DPY19L2: variants seen among roughly 807,000 people sequenced by gnomAD.
DPY19L2 encodes the protein dpy-19 like 2.
A neutral mutation model predicts 97.9 loss-of-function variants in DPY19L2; 34 were observed. The ratio of observed to expected loss-of-function variants is 0.35; its 90% CI spans 0.26 to 0.46. The LOEUF (loss-of-function observed/expected upper bound fraction) is 0.46, where lower values mean the gene tolerates loss of function less well. DPY19L2 is among the 20% of genes least tolerant of loss of function. The probability of loss-of-function intolerance (pLI) is 1.00; values close to 1 mark genes in which losing one functional copy is unlikely to be tolerated. For missense variants in DPY19L2, 623 were observed against 911.4 expected (o/e 0.68, Z 4.07); for synonymous variants, 230 against 307.9 (o/e 0.75, Z 2.65).
intron 19 of DPY19L2, among the ~76,000 whole-genome samples, chr12:63,573,657 A>T (rs1484555600): frequency 6.6e-6 from 1 of 152,220 alleles, no homozygotes; most frequent in Non-Finnish European, 1.5e-5. Flanking sequence ...CCCAAAGGTC[A>T]AGGATAAAGA....
chr12:63,603,837 G>A (rs181919882), intron 12 of DPY19L2, among the ~76,000 whole-genome samples: 232 of 152,196 alleles, frequency 1.5e-3, no homozygotes, highest in Non-Finnish European at 2.6e-3. Context: ...ACAATCCTAA[G>A]CAAAAAGAAC....
chr12:63,595,884 A>G (rs1884141796), intron 15 of DPY19L2, 82 bp downstream of exon 15: 9 of 1,290,252 alleles, frequency 7.0e-6, no homozygotes, highest in Non-Finnish European at 9.5e-6. Flanking sequence ...CATCCTAAAA[A>G]TAACATGGAA....
At chr12:63,620,071 T>C (rs1186486070) in intron 9 of DPY19L2, 25 of 425,892 alleles carry the variant, frequency 5.9e-5, no homozygotes, top group Non-Finnish European at 5.5e-5. Flanking sequence ...GCAGAATTTC[T>C]CACTTCCAAT....
rs114252455 is a variant in DPY19L2 at position 63,627,195 on chromosome 12, G to A, written c.804-669C>T. The stretch of plus-strand genomic sequence containing the variant: ...AATTGGATTTAAGGGACTGAGAGAT[G>A]AAGATGAGATTCTAACAGTTTCATG... On this transcript the variant is annotated intron_variant, in intron 6 of 21. Coordinates refer to ENST00000324472, the MANE Select transcript of DPY19L2 (RefSeq NM_173812.5). Among the ~76,000 whole-genome samples, 239 of 152,306 alleles carry A rather than the reference G, an allele frequency of 1.6e-3. 2 individuals carry two copies. Among genetic ancestry groups the A allele is most frequent in the African/African-American group, 5.5e-3 (227 of 41,556 alleles).
chr12:63,651,167 T>C (rs1010783061), intron 4 of DPY19L2, among the ~76,000 whole-genome samples: 1 of 152,166 alleles, frequency 6.6e-6, no homozygotes, highest in Non-Finnish European at 1.5e-5. Context: ...GGACTTCTTA[T>C]TCAATAAATG....
At chr12:63,641,340 C>T (rs1227805759) in intron 6 of DPY19L2, among the ~76,000 whole-genome samples, 1 of 152,054 alleles carries the variant, frequency 6.6e-6, no homozygotes, top group Non-Finnish European at 1.5e-5. Context: ...CATAACATTT[C>T]TAGCTCATAG....
chr12:63,666,660 T>C, intron 1 of DPY19L2: 1 of 203,644 alleles, frequency 4.9e-6, no homozygotes, highest in Non-Finnish European at 1.0e-5. Context: ...TTAATGTCCT[T>C]TAGATTGTTG....
chr12:63,630,633 C>A (rs1340919094), intron 6 of DPY19L2, among the ~76,000 whole-genome samples: 5 of 151,940 alleles, frequency 3.3e-5, no homozygotes, highest in Non-Finnish European at 5.9e-5. Context: ...CTTTAACACC[C>A]CATTGTCAAT....
chr12:63,566,717 G>A (rs1240101508), intron 21 of DPY19L2, among the ~76,000 whole-genome samples: 1 of 151,856 alleles, frequency 6.6e-6, no homozygotes, highest in African/African-American at 2.4e-5. Context: ...GTTGTTTCAG[G>A]TTTAGGCTAT....
At chr12:63,606,981 T>C (rs991804472) in intron 12 of DPY19L2, among the ~76,000 whole-genome samples, 4 of 152,244 alleles carry the variant, frequency 2.6e-5, no homozygotes, top group Admixed American at 2.6e-4. Context: ...TTGTGTGTAA[T>C]AAATACTTAT....
chr12:63,650,100 C>CT lies in DPY19L2; in HGVS notation c.589-2736dup, dbSNP rs1893994374. ...ATTATCTAAATAGATGCAGAAAAGACTTTTGATAAAATTCAACATCCTTTC... is the reference window on the plus strand; with the variant it reads ...ATTATCTAAATAGATGCAGAAAAGACTTTTTGATAAAATTCAACATCCTTTC... On this transcript the variant is annotated intron_variant, in intron 4 of 21. Transcript: ENST00000324472. Among the ~76,000 whole-genome samples the CT allele has an allele frequency of 2.0e-5, 3 of 152,218 alleles. No homozygotes were observed. In the South Asian group the frequency reaches 6.2e-4, roughly 32 times the overall value.
rs867313532 is a variant in DPY19L2, at chr12:63,562,113, G to A, written c.2127-1451C>T. Among the ~76,000 whole-genome samples the A allele has an allele frequency of 4.6e-3, 700 of 151,144 alleles. 7 individuals are homozygous for A. The highest frequency in any genetic ancestry group is 0.016 in the African/African-American group (659 of 41,224). ...ATTTTTTTAGCAGATGTATTAAGGCGTAATTGCTCAATAATTACTCAATAA... is the reference window on the plus strand; with the variant it reads ...ATTTTTTTAGCAGATGTATTAAGGCATAATTGCTCAATAATTACTCAATAA... On this transcript the variant is annotated intron_variant, in intron 21 of 21. Transcript: ENST00000324472.
chr12:63,627,215 T>C (rs1889708450), intron 6 of DPY19L2, among the ~76,000 whole-genome samples: 2 of 152,308 alleles, frequency 1.3e-5, no homozygotes, highest in African/African-American at 4.8e-5. Flanking sequence ...TTCTAACAGT[T>C]TCATGTAGCA....
chr12:63,606,205 T>C (rs1197092658), intron 12 of DPY19L2, among the ~76,000 whole-genome samples: 1 of 152,144 alleles, frequency 6.6e-6, no homozygotes, highest in Non-Finnish European at 1.5e-5. Context: ...TAGGTAAATA[T>C]GATACTATAA....
At chr12:63,594,638 G>A (rs77727992) in intron 15 of DPY19L2, among the ~76,000 whole-genome samples, 2 of 128,416 alleles carry the variant, frequency 1.6e-5, no homozygotes, top group Non-Finnish European at 3.2e-5. Context: ...CTGCAGGGAC[G>A]TGTGTGTGCG....
At chr12:63,565,826 G>A (rs1257605488) in intron 21 of DPY19L2, among the ~76,000 whole-genome samples, 5 of 151,916 alleles carry the variant, frequency 3.3e-5, no homozygotes, top group African/African-American at 1.2e-4. Flanking sequence ...GTTGCCTTTT[G>A]GGTTCTGTCA....
At chr12:63,658,295 G>C (rs956679843) in intron 4 of DPY19L2, among the ~76,000 whole-genome samples, 29 of 152,198 alleles carry the variant, frequency 1.9e-4, no homozygotes, top group South Asian at 4.2e-4. Flanking sequence ...AGGAGTTTGA[G>C]ACCAGCCTGG....
intron 21 of DPY19L2, among the ~76,000 whole-genome samples, chr12:63,562,731 C>T (rs1876827789): frequency 6.6e-6 from 1 of 150,840 alleles, no homozygotes; most frequent in Non-Finnish European, 1.5e-5. Context: ...TTTTCATTTG[C>T]ATTTCACAAA....
In DPY19L2 at chr12:63,663,804, G is replaced by C. The variant is rs776476639; in HGVS notation, c.404C>G (p.Ser135Cys). ...VTLFENDRHF[S>C]HLSSLEREMT... The stretch of plus-strand genomic sequence containing the variant: ...CTCCCGTTCCAAAGATGAGAGGTGA[G>C]AGAAATGACGATCATTTTCAAAAAG... Residue 135 changes from serine to cysteine, a missense_variant, in exon 3 of 22, where the codon TCT (serine) becomes TGT (cysteine). Transcript: ENST00000324472. The C allele has an allele frequency of 6.2e-7, 1 of 1,605,712 alleles. No homozygotes were observed. Among genetic ancestry groups the C allele is most frequent in the Non-Finnish European group, 8.5e-7 (1 of 1,177,742 alleles).
Sources: gnomAD v4.1 joint callset for allele counts (sites outside exome capture counted in the v4.1 genomes callset) on GRCh38, gnomAD v4.1.1 for gene constraint, MANE v1.5 for transcripts, NCBI Gene and HGNC (gene_info 2026-07-23, HGNC 2026-07-21) for gene names.